Variants in CTSO observed in about 807,000 individuals in gnomAD.
CTSO encodes cathepsin O.
CTSO carries 40 observed loss-of-function variants against 42.4 expected under a neutral mutation model. That is an observed-to-expected ratio of 0.94 (90% CI 0.73 to 1.23). The LOEUF (loss-of-function observed/expected upper bound fraction) is 1.23. CTSO is among the 50% of genes most tolerant of loss of function. CTSO has a pLI of 0.00. For missense variants in CTSO, 441 were observed against 396.0 expected, an observed-to-expected ratio of 1.11 and a Z score of -0.96; for synonymous variants, 156 against 146.2, an observed-to-expected ratio of 1.07 and a Z score of -0.48.
At position 155,939,265 on chromosome 4, in the gene CTSO, G is replaced by A. The variant is rs905006068; in HGVS notation, c.552+106C>T. On this transcript the variant is annotated intron_variant, in intron 4 of 7. Transcript: ENST00000433477. The stretch of plus-strand genomic sequence containing the variant: ...GCTTTGATCATCTACATTTCCGAAC[G>A]TGGAAACATTATTTAATATATGTGA... 37 of 960,856 alleles carry A rather than the reference G, an allele frequency of 3.9e-5. No individual in the cohort carries two copies. In the African/African-American group the frequency reaches 3.9e-4, roughly 10 times the overall value. 59.5% of individuals were successfully genotyped at this position (960,856 alleles called of 1,614,324 possible).
chr4:155,945,869 G>C (rs994996052), intron 1 of CTSO, among the ~76,000 whole-genome samples: 1 of 151,934 alleles, frequency 6.6e-6, no homozygotes, highest in African/African-American at 2.4e-5. Context: ...TCATCAGTAC[G>C]ATACACCATA....
intron 1 of CTSO, among the ~76,000 whole-genome samples, chr4:155,950,776 C>A (rs1177129580): frequency 6.6e-6 from 1 of 151,872 alleles, no homozygotes; most frequent in Non-Finnish European, 1.5e-5. Flanking sequence ...TTTGCACAGT[C>A]CTTATGTGAA....
intron 3 of CTSO, among the ~76,000 whole-genome samples, chr4:155,941,858 C>T (rs1316985716): frequency 6.6e-6 from 1 of 152,188 alleles, no homozygotes; most frequent in African/African-American, 2.4e-5. Context: ...CTTGAGAACC[C>T]AGGAGATTCG....
At chr4:155,941,535 A>G (rs746021783) in intron 3 of CTSO, among the ~76,000 whole-genome samples, 1 of 152,206 alleles carries the variant, frequency 6.6e-6, no homozygotes, top group African/African-American at 2.4e-5. Flanking sequence ...GTAAATTGCT[A>G]TATTTATTGC....
intron 3 of CTSO, 139 bp from the exon 4 acceptor site, chr4:155,939,677 A>G: frequency 1.6e-6 from 1 of 635,416 alleles, no homozygotes; most frequent in African/African-American, 1.8e-5. Context: ...TATCCTCTAG[A>G]TTTTTAAACT....
At chr4:155,938,697 C>T (rs889341129) in intron 4 of CTSO, among the ~76,000 whole-genome samples, 5 of 151,860 alleles carry the variant, frequency 3.3e-5, no homozygotes, top group Admixed American at 2.6e-4. Flanking sequence ...GAGGCTGAGG[C>T]GGGTGGATCA....
At chr4:155,932,475 C>T (rs1743253376) in intron 5 of CTSO, among the ~76,000 whole-genome samples, 1 of 152,142 alleles carries the variant, frequency 6.6e-6, no homozygotes, top group Non-Finnish European at 1.5e-5. Context: ...GGAAGACCTT[C>T]ACACATCCTA....
At chr4:155,935,419 C>T (rs1008455554) in intron 5 of CTSO, among the ~76,000 whole-genome samples, 1 of 151,984 alleles carries the variant, frequency 6.6e-6, no homozygotes, top group Non-Finnish European at 1.5e-5. Flanking sequence ...TCTAACATGC[C>T]AGACATGTTT....
Position 155,942,389 on chromosome 4 carries a change from G to A in CTSO, c.312C>T (p.Pro104=). The A allele has an allele frequency of 1.9e-6, 3 of 1,603,334 alleles. No individual in the cohort carries two copies. Among genetic ancestry groups the A allele is most frequent in the Non-Finnish European group, 2.6e-6 (3 of 1,175,534 alleles). The change falls in exon 3 of 8, where the codon CCC becomes CCT. Residue 104 remains proline, a synonymous_variant. Transcript: ENST00000433477. ...CAAATCTTAACGGCAAAGACACATTGGGGATGGACATATGTACTTCTGCTG... is the reference window on the plus strand; with the variant it reads ...CAAATCTTAACGGCAAAGACACATTAGGGATGGACATATGTACTTCTGCTG... ...RYSAEVHMSI[P]NVSLPLRFDW... is the part of the protein sequence containing the mutation.
intron 3 of CTSO, among the ~76,000 whole-genome samples, chr4:155,942,094 T>C (rs77618533): frequency 0.033 from 4,966 of 152,078 alleles, 250 homozygotes; most frequent in African/African-American, 0.11. Context: ...TGGCAATTAG[T>C]AAGAGTACAC....
intron 5 of CTSO, among the ~76,000 whole-genome samples, chr4:155,932,089 G>C (rs6848364): frequency 0.93 from 141,599 of 152,090 alleles, 66,434 homozygotes; most frequent in East Asian, 1. Context: ...TTCTCATATT[G>C]TAGTTTGAGT....
chr4:155,946,102 G>T (rs1034404703), intron 1 of CTSO, among the ~76,000 whole-genome samples: 1 of 152,160 alleles, frequency 6.6e-6, no homozygotes, highest in Non-Finnish European at 1.5e-5. Flanking sequence ...GTCTGGGAGG[G>T]GAGGCAGTAG....
At chr4:155,933,019 A>T (rs1363305061) in intron 5 of CTSO, among the ~76,000 whole-genome samples, 1 of 152,028 alleles carries the variant, frequency 6.6e-6, no homozygotes, top group Admixed American at 6.5e-5. Flanking sequence ...ATTAATCTAT[A>T]CATACCCCTC....
At chr4:155,935,492 C>T (rs754173332) in intron 5 of CTSO, among the ~76,000 whole-genome samples, 16 of 151,978 alleles carry the variant, frequency 1.1e-4, no homozygotes, top group African/African-American at 3.4e-4. Flanking sequence ...CACATATCTG[C>T]GTGGTTAAGT....
intron 1 of CTSO, among the ~76,000 whole-genome samples, chr4:155,947,644 C>T (rs958673836): frequency 1.3e-5 from 2 of 152,186 alleles, no homozygotes; most frequent in Admixed American, 1.3e-4. Context: ...CCCTGTATTT[C>T]ATTTCTTGAA....
At chr4:155,936,686 C>T (rs1021656537) in intron 5 of CTSO, among the ~76,000 whole-genome samples, 5 of 152,138 alleles carry the variant, frequency 3.3e-5, no homozygotes, top group African/African-American at 1.2e-4. Context: ...TTGTTTTCCC[C>T]AAAACTATCC....
intron 4 of CTSO, among the ~76,000 whole-genome samples, chr4:155,938,612 G>A (rs908967243): frequency 3.9e-5 from 6 of 151,920 alleles, no homozygotes; most frequent in Non-Finnish European, 7.4e-5. Flanking sequence ...TCACTTCTCA[G>A]GCTTCATTTC....
At chr4:155,949,863 T>G (rs1743615515) in intron 1 of CTSO, among the ~76,000 whole-genome samples, 1 of 152,234 alleles carries the variant, frequency 6.6e-6, no homozygotes, top group Non-Finnish European at 1.5e-5. Context: ...GGGATGCCAC[T>G]GGCATCTGGT....
At chr4:155,949,473 T>G (rs1743607192) in intron 1 of CTSO, among the ~76,000 whole-genome samples, 1 of 152,168 alleles carries the variant, frequency 6.6e-6, no homozygotes, top group South Asian at 2.1e-4. Flanking sequence ...CATGTATCCA[T>G]GGGATAAGTT....
Sources: allele counts gnomAD v4.1 joint callset (sites outside exome capture counted in the v4.1 genomes callset), GRCh38; gene constraint gnomAD v4.1.1; transcripts MANE v1.5; gene names NCBI Gene and HGNC (gene_info 2026-07-23, HGNC 2026-07-21).